Variants in AK8 observed in about 807,000 individuals in gnomAD.
AK8 encodes the protein ATP-AMP transphosphorylase 8.
Under a neutral mutation model 54.6 loss-of-function variants are expected in AK8, and 44 were observed. The observed-to-expected ratio is 0.81, with a 90% CI of 0.63 to 1.04. The LOEUF (loss-of-function observed/expected upper bound fraction) is 1.04, where lower values mean the gene tolerates loss of function less well. AK8 is among the 50% of genes least tolerant of loss of function. AK8 has a pLI of 0.00. For missense variants in AK8, 555 were observed against 613.6 expected (o/e 0.90, Z 1.01); for synonymous variants, 239 against 245.6 (o/e 0.97, Z 0.25).
chr9:132,771,979 G>A (rs1183978472), intron 11 of AK8, among the ~76,000 whole-genome samples: 1 of 152,132 alleles, frequency 6.6e-6, no homozygotes, highest in East Asian at 1.9e-4. Flanking sequence ...AACTTGTGCA[G>A]GGGAACTCCC....
At chr9:132,842,918 G>A (rs951014053) in intron 5 of AK8, among the ~76,000 whole-genome samples, 1 of 152,206 alleles carries the variant, frequency 6.6e-6, no homozygotes, top group Non-Finnish European at 1.5e-5. Context: ...CAACATAGCT[G>A]CATACTTCAT....
chr9:132,780,157 C>T (rs1244336522), intron 11 of AK8, among the ~76,000 whole-genome samples: 2 of 151,886 alleles, frequency 1.3e-5, no homozygotes, highest in Non-Finnish European at 2.9e-5. Flanking sequence ...TCACGGCAGT[C>T]AGAGAATAAA....
chr9:132,772,084 G>T (rs953016059), intron 11 of AK8, among the ~76,000 whole-genome samples: 1 of 152,160 alleles, frequency 6.6e-6, no homozygotes, highest in African/African-American at 2.4e-5. Flanking sequence ...CCTCCCACCA[G>T]GTCCCTCCCA....
chr9:132,727,718 G>A (rs1490068468), intron 11 of AK8, 184 bp from the exon 12 acceptor site: 2 of 476,472 alleles, frequency 4.2e-6, no homozygotes, highest in East Asian at 3.4e-5. Context: ...TCCAGAGCCT[G>A]TGTCCCCCCA....
Position 132,799,572 on chromosome 9 carries a change from CAT to C in AK8, c.980-6799_980-6798del, listed in dbSNP as rs1164206986. 5.9e-5 allele frequency among the ~76,000 whole-genome samples: 9 copies of C among 151,888 alleles called. No individual in the cohort carries two copies. The highest frequency in any genetic ancestry group is 1.9e-4 in the African/African-American group (8 of 41,404). Reference sequence around the variant, plus strand: ...ACACACAGGCACGCACACACACAGACATGTGCTCATGCACTCAGCTACAAACA... The same window carrying C: ...ACACACAGGCACGCACACACACAGACGTGCTCATGCACTCAGCTACAAACA... On this transcript the variant is annotated intron_variant, in intron 10 of 12. Transcript: ENST00000298545. This position sits in a 1 kb window ranked among gnomAD's most constrained non-coding sequence, Gnocchi z 5.0.
rs1839265369 is a variant in AK8 at position 132,777,329 on chromosome 9, C to T, written c.1121+15305G>A. ...CCCGCATCATCCCATTGAATCCTCT[C>T]ACCTGATGCCCCAAATCCCACTGTC... On this transcript the variant is annotated intron_variant, in intron 11 of 12. Coordinates refer to ENST00000298545, the MANE Select transcript of AK8 (RefSeq NM_152572.3). Among the ~76,000 whole-genome samples the T allele has an allele frequency of 3.3e-5, 5 of 152,164 alleles. No individual in the cohort carries two copies. The South Asian group carries it at 1.0e-3, about 32-fold the overall frequency.
rs935709980 is a variant in AK8, at chr9:132,833,411, C to A, written c.403-4685G>T. On this transcript the variant is annotated intron_variant, in intron 5 of 12. Transcript: ENST00000298545. ...CAACAAGCCTGTGTTGCGAGGTTCG[C>A]GGGTCTCACGTCCAGGAGTGGCTGG... 5.3e-5 allele frequency among the ~76,000 whole-genome samples: 8 copies of A among 152,278 alleles called. No individual in the cohort carries two copies. In the South Asian group the frequency reaches 1.5e-3, roughly 28 times the overall value.
At chr9:132,763,652 G>A (rs974447074) in intron 11 of AK8, among the ~76,000 whole-genome samples, 2 of 152,156 alleles carry the variant, frequency 1.3e-5, no homozygotes, top group Non-Finnish European at 2.9e-5. Context: ...TTTGTACCTC[G>A]TTTCCATCTT....
Position 132,840,335 on chromosome 9 carries a change from C to T in AK8, c.403-11609G>A, listed in dbSNP as rs114505403. 3.3e-3 allele frequency among the ~76,000 whole-genome samples: 494 copies of T among 151,994 alleles called. 1 individual carries two copies. The highest frequency in any genetic ancestry group is 8.9e-3 in the Admixed American group (135 of 15,252). On this transcript the variant is annotated intron_variant, in intron 5 of 12. Coordinates refer to ENST00000298545, the MANE Select transcript of AK8 (RefSeq NM_152572.3). ...CTCACGTGCTTGGCTTCTTGCATTA[C>T]GCTCGCGTTTGGCAACATTTTGAAC...
Position 132,860,658 on chromosome 9 carries a change from G to T in AK8, c.333+3007C>A, listed in dbSNP as rs1199128483. ...AGCAGGAACAAAAACTAGAGACACT[G>T]CCAGTTATTAATCATGCCCTGGCCA... On this transcript the variant is annotated intron_variant, in intron 4 of 12. Transcript: ENST00000298545. The surrounding 1 kb of genome is among the most constrained non-coding windows in gnomAD (Gnocchi z 4.4). 6.6e-6 allele frequency among the ~76,000 whole-genome samples: 1 copy of T among 152,222 alleles called. No homozygotes were observed. The highest frequency in any genetic ancestry group is 2.4e-5 in the African/African-American group (1 of 41,462).
At chr9:132,805,558 T>A (rs760206477) in intron 10 of AK8, among the ~76,000 whole-genome samples, 52 of 152,324 alleles carry the variant, frequency 3.4e-4, no homozygotes, top group Middle Eastern at 3.4e-3. Flanking sequence ...GTGACGGGGC[T>A]GCCTCCTGGC....
At chr9:132,859,281 G>T (rs970472287) in intron 4 of AK8, among the ~76,000 whole-genome samples, 1 of 152,014 alleles carries the variant, frequency 6.6e-6, no homozygotes, top group East Asian at 1.9e-4. Context: ...TTGAGACAGG[G>T]TCTCACTCTG....
intron 10 of AK8, among the ~76,000 whole-genome samples, chr9:132,795,278 G>A (rs1840109842): frequency 6.6e-6 from 1 of 152,122 alleles, no homozygotes; most frequent in Non-Finnish European, 1.5e-5. Flanking sequence ...CTGGCATGTT[G>A]TCTTGCATAA....
chr9:132,813,551 G>A (rs1841178403), intron 10 of AK8, among the ~76,000 whole-genome samples: 1 of 152,248 alleles, frequency 6.6e-6, no homozygotes. Flanking sequence ...ATAAGTGGGT[G>A]TGCACTGACT....
chr9:132,752,390 T>C (rs934674365), intron 11 of AK8, among the ~76,000 whole-genome samples: 14 of 151,868 alleles, frequency 9.2e-5, no homozygotes, highest in Admixed American at 6.6e-4. Context: ...GCTGGGACTA[T>C]AGGCGCCCGC....
chr9:132,863,670 T>G lies in AK8; in HGVS notation c.328A>C (p.Arg110=), dbSNP rs1484877551. Residue 110 remains arginine (R), a synonymous_variant, in exon 4 of 13, where the codon AGG becomes CGG. Transcript: ENST00000298545. ...GTCCCCGGGGCCAGTCCTACCTTCC[T>G]TTGCAGATAAAGCCTTCTGGCTTCG... is the stretch of plus-strand genomic sequence containing the variant. ...ATEARRLYLQ[R]KTVPSALLVQ... The G allele has an allele frequency of 3.1e-6, 5 of 1,612,204 alleles. No homozygotes were observed. Among genetic ancestry groups the G allele is most frequent in the Non-Finnish European group, 4.2e-6 (5 of 1,178,856 alleles).
rs1340766053 is a variant in AK8, at chr9:132,790,132, T to C, written c.1121+2502A>G. On this transcript the variant is annotated intron_variant, in intron 11 of 12. Coordinates refer to ENST00000298545, the MANE Select transcript of AK8 (RefSeq NM_152572.3). The surrounding 1 kb of genome is among the most constrained non-coding windows in gnomAD (Gnocchi z 4.1). ...ACCAGTTACTATAGGAACAAAAGAC[T>C]GGCTTACTAATATTAACATAATTTA... 6.6e-6 allele frequency among the ~76,000 whole-genome samples: 1 copy of C among 152,208 alleles called. No individual in the cohort carries two copies. The highest frequency in any genetic ancestry group is 1.5e-5 in the Non-Finnish European group (1 of 68,036).
At chr9:132,733,123 G>A (rs911277881) in intron 11 of AK8, among the ~76,000 whole-genome samples, 8 of 152,174 alleles carry the variant, frequency 5.3e-5, no homozygotes, top group East Asian at 1.9e-4. Context: ...AGCCTGGAGC[G>A]GCTGGGAGCC....
At chr9:132,755,597 T>C (rs1838150284) in intron 11 of AK8, among the ~76,000 whole-genome samples, 1 of 152,188 alleles carries the variant, frequency 6.6e-6, no homozygotes, top group Non-Finnish European at 1.5e-5. Flanking sequence ...ATCGGTTTGC[T>C]GAATGAATAC....
Sources: gnomAD v4.1 joint callset for allele counts (sites outside exome capture counted in the v4.1 genomes callset) on GRCh38, gnomAD v4.1.1 for gene constraint, Gnocchi (gnomAD v3.1) non-coding constraint, MANE v1.5 for transcripts, NCBI Gene and HGNC (gene_info 2026-07-23, HGNC 2026-07-21) for gene names.